Variants in CSMD2 observed in about 807,000 individuals in gnomAD.
CSMD2 encodes the protein CUB and Sushi multiple domains 2.
Under a neutral mutation model 398.5 loss-of-function variants are expected in CSMD2, and 130 were observed. The ratio of observed to expected loss-of-function variants is 0.33; its 90% confidence interval spans 0.28 to 0.38. The LOEUF (loss-of-function observed/expected upper bound fraction) is 0.38, where lower values mean the gene tolerates loss of function less well. Among genes scored for constraint, CSMD2 ranks in the 10% least tolerant of loss-of-function variants. CSMD2 has a pLI of 1.00. For missense variants in CSMD2, 3,829 were observed against 4,764.9 expected, an observed-to-expected ratio of 0.80 and a Z score of 5.78; for synonymous variants, 1,828 against 1,908.5, an observed-to-expected ratio of 0.96 and a Z score of 1.10.
At chr1:33,687,001 C>G (rs990563915) in intron 25 of CSMD2, among the ~76,000 whole-genome samples, 12 of 152,206 alleles carry the variant, frequency 7.9e-5, no homozygotes, top group Admixed American at 7.2e-4. Context: ...TATGTTCACT[C>G]AATCTTCATA....
chr1:33,583,784 G>A lies in CSMD2; in HGVS notation c.7098C>T (p.Ile2366=). The change falls in exon 47 of 71, where the codon ATC becomes ATT. Residue 2366 remains isoleucine (I), a synonymous_variant. Transcript: ENST00000373381. ...AGCTTCCAGGGTAGCTCTGGCTCAG[G>A]ATCACGCCTGTGGAGTCTGTCAGAA... The part of the protein sequence containing the change: ...NELLTDSTGV[I]LSQSYPGSYP... 1 of 1,614,210 alleles carries A rather than the reference G, an allele frequency of 6.2e-7. No homozygotes were observed. The highest frequency in any genetic ancestry group is 8.5e-7 in the Non-Finnish European group (1 of 1,180,048).
intron 25 of CSMD2, among the ~76,000 whole-genome samples, chr1:33,676,215 A>G (rs901769719): frequency 2.2e-4 from 33 of 152,168 alleles, no homozygotes; most frequent in Non-Finnish European, 4.1e-4. Context: ...AAACCCCATC[A>G]TCTCAGCCCA....
chr1:33,966,712 G>A (rs1645569864), intron 3 of CSMD2, among the ~76,000 whole-genome samples: 1 of 152,204 alleles, frequency 6.6e-6, no homozygotes, highest in Non-Finnish European at 1.5e-5. Flanking sequence ...TGATTTGCAA[G>A]TGTTTGAAAA....
intron 5 of CSMD2, among the ~76,000 whole-genome samples, chr1:33,848,054 G>A (rs1638409646): frequency 6.6e-6 from 1 of 152,114 alleles, no homozygotes; most frequent in South Asian, 2.1e-4. Flanking sequence ...AGTTTGATGA[G>A]TGACTCTTTT....
intron 5 of CSMD2, among the ~76,000 whole-genome samples, chr1:33,858,107 C>T (rs969416311): frequency 1.3e-5 from 2 of 152,192 alleles, no homozygotes; most frequent in African/African-American, 4.8e-5. Context: ...GACACTTCGC[C>T]TGGCTTTGGC....
intron 32 of CSMD2, among the ~76,000 whole-genome samples, chr1:33,630,880 A>G (rs928104378): frequency 6.6e-6 from 1 of 152,208 alleles, no homozygotes; most frequent in African/African-American, 2.4e-5. Context: ...AACATAGTAC[A>G]TATCAAAATT....
chr1:34,058,978 C>T (rs1382744859), intron 2 of CSMD2, among the ~76,000 whole-genome samples: 1 of 152,186 alleles, frequency 6.6e-6, no homozygotes, highest in Non-Finnish European at 1.5e-5. Flanking sequence ...CAGTGAATGT[C>T]CTAGGCAAAG....
At chr1:33,936,307 G>T (rs1401538955) in intron 3 of CSMD2, among the ~76,000 whole-genome samples, 1 of 152,180 alleles carries the variant, frequency 6.6e-6, no homozygotes, top group Admixed American at 6.5e-5. Context: ...GGCATGGCTG[G>T]CCTGATTTCA....
At chr1:33,631,712 G>C (rs1642477465) in intron 32 of CSMD2, among the ~76,000 whole-genome samples, 1 of 152,116 alleles carries the variant, frequency 6.6e-6, no homozygotes, top group South Asian at 2.1e-4. Context: ...AACAAATGGA[G>C]AGACATATTG....
At chr1:34,062,087 A>G (rs1289430713) in intron 2 of CSMD2, among the ~76,000 whole-genome samples, 3 of 152,208 alleles carry the variant, frequency 2.0e-5, no homozygotes, top group Non-Finnish European at 2.9e-5. Context: ...TGGGGAGTCC[A>G]GCAGGATACA....
chr1:33,583,761 C>T lies in CSMD2; in HGVS notation c.7121G>A (p.Ser2374Asn), dbSNP rs1339509737. The change falls in exon 47 of 71, where the codon AGC (serine) becomes AAC (asparagine). Residue 2374 changes from serine to asparagine, a missense_variant. Ser to Asn is a conservative substitution (Grantham distance 46). Coordinates refer to ENST00000373381, the MANE Select transcript of CSMD2 (RefSeq NM_001281956.2). ...GVILSQSYPG[S>N]YPQFQTCSWL... is the part of the protein sequence containing the mutation. ...AGAGCAGGTCTGGAACTGGGGATAGCTTCCAGGGTAGCTCTGGCTCAGGAT... is the reference window on the plus strand; with the variant it reads ...AGAGCAGGTCTGGAACTGGGGATAGTTTCCAGGGTAGCTCTGGCTCAGGAT... 11 of 1,614,098 alleles carry T rather than the reference C, an allele frequency of 6.8e-6. No homozygotes were observed. The highest frequency in any genetic ancestry group is 9.3e-6 in the Non-Finnish European group (11 of 1,180,040).
intron 19 of CSMD2, among the ~76,000 whole-genome samples, chr1:33,721,663 C>A (rs1646362916): frequency 6.6e-6 from 1 of 152,196 alleles, no homozygotes; most frequent in Non-Finnish European, 1.5e-5. Flanking sequence ...CTGGGCCTCA[C>A]CCTGACCACC....
chr1:33,924,703 T>C (rs767685021), intron 4 of CSMD2, among the ~76,000 whole-genome samples: 198 of 152,298 alleles, frequency 1.3e-3, no homozygotes, highest in Non-Finnish European at 2.1e-3. Context: ...CCAACATCTG[T>C]TGTTTTTTGC....
chr1:34,103,362 G>A (rs1014744618), intron 1 of CSMD2, among the ~76,000 whole-genome samples: 3 of 141,744 alleles, frequency 2.1e-5, no homozygotes, highest in South Asian at 2.3e-4. Flanking sequence ...GCAGTGGTGC[G>A]ATCTCGGCTC....
chr1:34,022,367 C>G (rs144763929), intron 3 of CSMD2, among the ~76,000 whole-genome samples: 2 of 152,284 alleles, frequency 1.3e-5, no homozygotes, highest in East Asian at 3.9e-4. Context: ...GTGACTTGCT[C>G]AAAGTCACAT....
At chr1:34,160,961 T>C (rs972040104) in intron 1 of CSMD2, among the ~76,000 whole-genome samples, 1 of 152,116 alleles carries the variant, frequency 6.6e-6, no homozygotes, top group African/African-American at 2.4e-5. Context: ...TATAGTTTAA[T>C]ATTGCTTTTT....
intron 5 of CSMD2, among the ~76,000 whole-genome samples, chr1:33,909,595 T>A (rs1195976251): frequency 6.6e-6 from 1 of 152,032 alleles, no homozygotes; most frequent in Non-Finnish European, 1.5e-5. Flanking sequence ...GTAGTTTGTT[T>A]GAATGATTGA....
chr1:33,672,101 G>A (rs1025963108), intron 25 of CSMD2, among the ~76,000 whole-genome samples: 1 of 152,190 alleles, frequency 6.6e-6, no homozygotes, highest in African/African-American at 2.4e-5. Context: ...CTGAGGTACC[G>A]GGTTCATCTC....
chr1:33,787,172 C>T (rs1012849032), intron 12 of CSMD2, among the ~76,000 whole-genome samples: 2 of 152,304 alleles, frequency 1.3e-5, no homozygotes, highest in African/African-American at 4.8e-5. Flanking sequence ...TAGGGAGAAG[C>T]AGGGGAGGAT....
Sources: gnomAD v4.1 joint callset for allele counts (sites outside exome capture counted in the v4.1 genomes callset) on GRCh38, gnomAD v4.1.1 for gene constraint, MANE v1.5 for transcripts, NCBI Gene and HGNC (gene_info 2026-07-23, HGNC 2026-07-21) for gene names.